Variants in FBXL19 observed in about 807,000 individuals in gnomAD.
FBXL19 encodes F-box and leucine rich repeat protein 19.
FBXL19 carries 16 observed loss-of-function variants against 71.2 expected under a neutral mutation model. That is an observed-to-expected ratio of 0.22 (90% confidence interval 0.15 to 0.34). The LOEUF is 0.34. Ranked by LOEUF, FBXL19 falls within the 10% of genes least tolerant of loss-of-function variation. FBXL19 has a pLI of 1.00. For missense variants in FBXL19, 658 were observed against 968.2 expected, an observed-to-expected ratio of 0.68 and a Z score of 4.25; for synonymous variants, 447 against 409.4, an observed-to-expected ratio of 1.09 and a Z score of -1.11.
rs901208022 is a variant in FBXL19, at chr16:30,924,543, C to G, written c.-25+84C>G. On this transcript the variant is annotated intron_variant, in intron 1 of 10. Transcript: ENST00000338343. The stretch of plus-strand genomic sequence containing the variant: ...CCTCAGCCCGGCCTCTCTCTACCTT[C>G]CCCGCCCCCAGCCTCACCCTCTCTC... 4 of 1,234,446 alleles carry G rather than the reference C, an allele frequency of 3.2e-6. No individual in the cohort carries two copies. The Admixed American group carries it at 1.7e-4, about 52-fold the overall frequency. 76.5% of individuals were successfully genotyped at this position (1,234,446 alleles called of 1,614,324 possible). A position where few individuals can be genotyped will look rare whatever the true frequency, so the allele number is the denominator to read the frequency against.
chr16:30,934,657 C>CA (rs34400730), intron 7 of FBXL19, among the ~76,000 whole-genome samples: 79,253 of 148,440 alleles, frequency 0.53, 23,137 homozygotes, highest in East Asian at 0.9. Flanking sequence ...GACCCTGTCT[C>CA]AAAAAAAAAA....
In FBXL19 at chr16:30,946,496, C is replaced by A. The variant is rs890818116; in HGVS notation, c.1628-234C>A. ...CTAGGATTACAGGCATGAGCCACCA[C>A]GCCTGGCAGAATATTGTAGTCTCAA... On this transcript the variant is annotated intron_variant, in intron 9 of 10. Transcript: ENST00000338343. This position sits in a 1 kb window ranked among gnomAD's most constrained non-coding sequence, Gnocchi z 6.7. Among the ~76,000 whole-genome samples, 1 of 152,210 alleles carries A rather than the reference C, an allele frequency of 6.6e-6. No individual in the cohort carries two copies. Among genetic ancestry groups the A allele is most frequent in the Non-Finnish European group, 1.5e-5 (1 of 68,048 alleles).
Position 30,930,811 on chromosome 16 carries a change from C to T in FBXL19, c.1301+227C>T, listed in dbSNP as rs956922541. 6.6e-6 allele frequency among the ~76,000 whole-genome samples: 1 copy of T among 152,140 alleles called. No individual in the cohort carries two copies. Among genetic ancestry groups the T allele is most frequent in the African/African-American group, 2.4e-5 (1 of 41,428 alleles). On this transcript the variant is annotated intron_variant, in intron 7 of 10. Transcript: ENST00000338343. The surrounding 1 kb of genome is among the most constrained non-coding windows in gnomAD (Gnocchi z 8.5). ...AACTTTGAGGTAGAGGTTATTTTCC[C>T]CTTTTTCAGATGAAGCTGAGGCCCA...
chr16:30,938,927 C>T (rs1437028643), intron 7 of FBXL19, among the ~76,000 whole-genome samples: 3 of 151,456 alleles, frequency 2.0e-5, no homozygotes, highest in African/African-American at 4.9e-5. Context: ...TGAGCCACTG[C>T]GCCTGGCCAC....
chr16:30,927,039 T>A (rs1322947141), intron 2 of FBXL19, among the ~76,000 whole-genome samples: 1 of 152,198 alleles, frequency 6.6e-6, no homozygotes, highest in Non-Finnish European at 1.5e-5. Flanking sequence ...CAGCTACATA[T>A]CAGTGTCTCT....
Position 30,930,608 on chromosome 16 carries a change from G to A in FBXL19, c.1301+24G>A, listed in dbSNP as rs553303931. On this transcript the variant is annotated intron_variant, in intron 7 of 10. Transcript: ENST00000338343. This position sits in a 1 kb window ranked among gnomAD's most constrained non-coding sequence, Gnocchi z 8.5. Reference sequence around the variant, plus strand: ...TGGTGAGTGGCCTGGACAGGCCTGCGTTCCGTGGCCAGCAGGCTTCCCGCT... The same window carrying A: ...TGGTGAGTGGCCTGGACAGGCCTGCATTCCGTGGCCAGCAGGCTTCCCGCT... The A allele has an allele frequency of 1.1e-4, 156 of 1,409,966 alleles. No homozygotes were observed. The highest frequency in any genetic ancestry group is 5.5e-4 in the African/African-American group (37 of 66,906). 87.3% of individuals were successfully genotyped at this position (1,409,966 alleles called of 1,614,324 possible).
Position 30,923,604 on chromosome 16 carries a change from G to A in FBXL19, c.-880G>A, listed in dbSNP as rs1310357555. Among the ~76,000 whole-genome samples, 1 of 151,270 alleles carries A rather than the reference G, an allele frequency of 6.6e-6. No individual in the cohort carries two copies. The highest frequency in any genetic ancestry group is 1.5e-5 in the Non-Finnish European group (1 of 67,644). The stretch of plus-strand genomic sequence containing the variant: ...GAGGAAGGAGGAAGGAGCTGAGGAG[G>A]GATGAGAGAGGCGGCCAGGGCCCCG... On this transcript the variant is annotated 5_prime_UTR_variant, in exon 1 of 11. Coordinates refer to ENST00000338343, the MANE Select transcript of FBXL19 (RefSeq NM_001382779.1).
In FBXL19 at chr16:30,925,242, G is replaced by T. The variant is rs1221017882; in HGVS notation, c.-24-489G>T. On this transcript the variant is annotated intron_variant, in intron 1 of 10. Transcript: ENST00000338343. The surrounding 1 kb of genome is among the most constrained non-coding windows in gnomAD (Gnocchi z 5.0). ...ATGAAAAGGTTGGTGGGGCGGGGGG[G>T]AGGAAAAGTCCGGAGCTTCCGTCTA... is the stretch of plus-strand genomic sequence containing the variant. Among the ~76,000 whole-genome samples, 1 of 151,224 alleles carries T rather than the reference G, an allele frequency of 6.6e-6. No individual in the cohort carries two copies. Among genetic ancestry groups the T allele is most frequent in the Non-Finnish European group, 1.5e-5 (1 of 67,756 alleles).
At chr16:30,940,100 T>A (rs926040466) in intron 7 of FBXL19, among the ~76,000 whole-genome samples, 1 of 151,804 alleles carries the variant, frequency 6.6e-6, no homozygotes. Context: ...CTACTAAAAA[T>A]ACAAAAAATT....
At chr16:30,929,138 C>G (rs1388740560) in intron 6 of FBXL19, among the ~76,000 whole-genome samples, 6 of 152,136 alleles carry the variant, frequency 3.9e-5, no homozygotes, top group African/African-American at 1.4e-4. Flanking sequence ...CACAGTAAAG[C>G]CAGAATTGAG....
Position 30,930,051 on chromosome 16 carries a change from C to T in FBXL19, c.790-22C>T. Reference sequence around the variant, plus strand: ...AAATGTATCCCAGGCCCTAGAACAGCATCAACCCTGTCTCCCTGCAGAAAC... The same window carrying T: ...AAATGTATCCCAGGCCCTAGAACAGTATCAACCCTGTCTCCCTGCAGAAAC... On this transcript the variant is annotated intron_variant, in intron 6 of 10. Transcript: ENST00000338343. This position sits in a 1 kb window ranked among gnomAD's most constrained non-coding sequence, Gnocchi z 8.5. 6.2e-7 allele frequency: 1 copy of T among 1,603,434 alleles called. No individual in the cohort carries two copies. Among genetic ancestry groups the T allele is most frequent in the Non-Finnish European group, 8.5e-7 (1 of 1,173,648 alleles).
chr16:30,931,364 G>T (rs1392731964), intron 7 of FBXL19, among the ~76,000 whole-genome samples: 1 of 152,156 alleles, frequency 6.6e-6, no homozygotes, highest in African/African-American at 2.4e-5. Context: ...TGGGGTGGGA[G>T]CAGATAACTG....
rs777669659 is a variant in FBXL19 at position 30,930,400 on chromosome 16, C to T, written c.1117C>T (p.Arg373Trp). The stretch of plus-strand genomic sequence containing the variant: ...GCCCCTGGGCCCAGCCCCACCACCC[C>T]GGCCTCCACAGCTGGAGCGGCACGT... ...SWPLGPAPPP[R>W]PPQLERHVVR... Residue 373 changes from arginine to tryptophan, a missense_variant, in exon 7 of 11, where the codon CGG becomes TGG. This residue lies in a region of FBXL19 where 447 missense variants were observed against 515.4 expected (regional missense o/e 0.87). Transcript: ENST00000338343. The surrounding 1 kb of genome is among the most constrained non-coding windows in gnomAD (Gnocchi z 8.5). The T allele has an allele frequency of 1.8e-5, 28 of 1,529,980 alleles. No homozygotes were observed. The highest frequency in any genetic ancestry group is 2.4e-5 in the East Asian group (1 of 41,084). 94.8% of individuals were successfully genotyped at this position (1,529,980 alleles called of 1,614,324 possible). A position where few individuals can be genotyped will look rare whatever the true frequency, so the allele number is the denominator to read the frequency against.
rs1403850413 is a variant in FBXL19, at chr16:30,925,176, T to G, written c.-24-555T>G. 6.6e-6 allele frequency among the ~76,000 whole-genome samples: 1 copy of G among 151,508 alleles called. No homozygotes were observed. Among genetic ancestry groups the G allele is most frequent in the African/African-American group, 2.4e-5 (1 of 41,192 alleles). On this transcript the variant is annotated intron_variant, in intron 1 of 10. Coordinates refer to ENST00000338343, the MANE Select transcript of FBXL19 (RefSeq NM_001382779.1). The surrounding 1 kb of genome is among the most constrained non-coding windows in gnomAD (Gnocchi z 5.0). ...AGGATCTCGCTGGATCTGGTGAGGA[T>G]AACTGGGTTGAGGGGAAGAGAGATT... is the stretch of plus-strand genomic sequence containing the variant.
rs2055861625 is a variant in FBXL19 at position 30,946,638 on chromosome 16, A to G, written c.1628-92A>G. 1 of 1,258,092 alleles carries G rather than the reference A, an allele frequency of 7.9e-7. No homozygotes were observed. The highest frequency in any genetic ancestry group is 2.1e-5 in the Admixed American group (1 of 48,334). 77.9% of individuals were successfully genotyped at this position (1,258,092 alleles called of 1,614,324 possible). A position where few individuals can be genotyped will look rare whatever the true frequency, so the allele number is the denominator to read the frequency against. ...ACAGAGTGCACCAGGTCACTCACTT[A>G]TGTGGGAAGCAGGTGGAGGGCAGAT... On this transcript the variant is annotated intron_variant, in intron 9 of 10. Coordinates refer to ENST00000338343, the MANE Select transcript of FBXL19 (RefSeq NM_001382779.1). This position sits in a 1 kb window ranked among gnomAD's most constrained non-coding sequence, Gnocchi z 6.7.
chr16:30,930,499 C>T lies in FBXL19; in HGVS notation c.1216C>T (p.Arg406Trp). The T allele has an allele frequency of 6.5e-7, 1 of 1,530,728 alleles. No homozygotes were observed. The highest frequency in any genetic ancestry group is 8.7e-7 in the Non-Finnish European group (1 of 1,144,640). The allele number at this position is 1,530,728 out of a possible 1,614,324, so 94.8% of individuals were successfully genotyped here. Reference sequence around the variant, plus strand: ...TGCTGGATCCGACCACCCCCTGCCCCGGGCCGCCTGGCTTCGCGTCTTCCA... The same window carrying T: ...TGCTGGATCCGACCACCCCCTGCCCTGGGCCGCCTGGCTTCGCGTCTTCCA... The part of the protein sequence containing the change: ...LAAGSDHPLP[R>W]AAWLRVFQHL... The change falls in exon 7 of 11, where the codon CGG becomes TGG. Residue 406 changes from arginine to tryptophan, a missense_variant. Physicochemically the swap from Arg to Trp is moderately radical, Grantham distance 101. Around this residue, in one of 8 missense-constraint regions of FBXL19, gnomAD observed 447 missense variants for 515.4 expected, o/e 0.87. Coordinates refer to ENST00000338343, the MANE Select transcript of FBXL19 (RefSeq NM_001382779.1). This position sits in a 1 kb window ranked among gnomAD's most constrained non-coding sequence, Gnocchi z 8.5.
chr16:30,937,731 A>T (rs1324676482), intron 7 of FBXL19, among the ~76,000 whole-genome samples: 1 of 152,108 alleles, frequency 6.6e-6, no homozygotes, highest in Non-Finnish European at 1.5e-5. Context: ...TTGGCATCAG[A>T]CAGCACTGTG....
Position 30,928,536 on chromosome 16 carries a change from C to T in FBXL19, c.697C>T (p.Pro233Ser). Residue 233 changes from proline (P) to serine (S), a missense_variant, in exon 6 of 11, where the codon CCA (proline) becomes TCA (serine). This residue lies in a region of FBXL19 where 447 missense variants were observed against 515.4 expected (regional missense o/e 0.87). Coordinates refer to ENST00000338343, the MANE Select transcript of FBXL19 (RefSeq NM_001382779.1). Reference sequence around the variant, plus strand: ...CGCCTGCCTCCTCCGAGGATCGGACCCAGGCGGCCCGGGCCTGCTGCCCCC... The same window carrying T: ...CGCCTGCCTCCTCCGAGGATCGGACTCAGGCGGCCCGGGCCTGCTGCCCCC... The part of the protein sequence containing the change: ...GDACLLRGSD[P>S]GGPGLLPPRV... The T allele has an allele frequency of 6.2e-7, 1 of 1,608,458 alleles. No individual in the cohort carries two copies. The highest frequency in any genetic ancestry group is 8.5e-7 in the Non-Finnish European group (1 of 1,177,384).
chr16:30,943,457 C>T (rs2055824475), intron 9 of FBXL19, among the ~76,000 whole-genome samples: 1 of 144,720 alleles, frequency 6.9e-6, no homozygotes, highest in African/African-American at 2.6e-5. Context: ...TCACTGCAAG[C>T]TCCACCTCCC....
Sources: allele counts gnomAD v4.1 joint callset (sites outside exome capture counted in the v4.1 genomes callset), GRCh38; gene constraint gnomAD v4.1.1; regional missense constraint gnomAD v4.1.1; non-coding constraint Gnocchi (gnomAD v3.1); transcripts MANE v1.5; gene names NCBI Gene and HGNC (gene_info 2026-07-23, HGNC 2026-07-21).